NBPF14: variants seen among roughly 807,000 people sequenced by gnomAD.
NBPF14 encodes the protein NBPF member 14, also known as NBPF family member NBPF14.
In NBPF14, 104 loss-of-function variants were observed where a neutral mutation model predicts 91.2. That is an observed-to-expected ratio of 1.14 (90% CI 0.97 to 1.34). The LOEUF is 1.34. Among genes scored for constraint, NBPF14 ranks in the 40% most tolerant of loss-of-function variants. The probability of loss-of-function intolerance (pLI) is 0.00; values close to 1 mark genes in which losing one functional copy is unlikely to be tolerated. For synonymous variants in NBPF14, 294 were observed against 303.8 expected (o/e 0.97, Z 0.34); for missense variants, 908 against 783.0 (o/e 1.16, Z -1.91).
At chr1:148,587,317 G>T in exon 8 of NBPF14, 2 of 1,580,982 alleles carry the variant, frequency 1.3e-6, no homozygotes, top group Non-Finnish European at 1.7e-6. Context: ...TCCTCAGCTT[G>T]CTTCAGCTGC....
chr1:148,557,681 G>T (rs1442220106), intron 39 of NBPF14, 139 bp from the exon 40 acceptor site: 2 of 618,844 alleles, frequency 3.2e-6, no homozygotes, highest in South Asian at 1.7e-5. Flanking sequence ...ACTTCAGGAG[G>T]CCTGAAAGCT....
At chr1:148,556,995 T>A in intron 40 of NBPF14, 133 bp from the exon 41 acceptor site, 1 of 186,820 alleles carries the variant, frequency 5.4e-6, no homozygotes, top group Non-Finnish European at 8.0e-6. Context: ...AGGTAACACA[T>A]TATTGCCTTC....
At chr1:148,593,929 G>A (rs1286738870) in intron 2 of NBPF14, among the ~76,000 whole-genome samples, 8 of 149,928 alleles carry the variant, frequency 5.3e-5, no homozygotes, top group African/African-American at 1.9e-4. Context: ...CAAGGAAGTT[G>A]ACAAGATGAT....
intron 6 of NBPF14, among the ~76,000 whole-genome samples, chr1:148,589,852 C>G (rs1662158054): frequency 1.4e-5 from 2 of 148,002 alleles, no homozygotes; most frequent in Non-Finnish European, 1.5e-5. Context: ...CATCCCTCAG[C>G]CTGCCAAGCA....
intron 68 of NBPF14, among the ~76,000 whole-genome samples, chr1:148,535,203 C>A (rs1654877903): frequency 1.3e-5 from 2 of 149,876 alleles, no homozygotes; most frequent in East Asian, 2.0e-4. Context: ...TTTCCATAAA[C>A]TTGCTCAAGA....
chr1:148,587,044 GTTAA>G (rs1273278139), intron 8 of NBPF14, among the ~76,000 whole-genome samples: 1 of 147,140 alleles, frequency 6.8e-6, no homozygotes, highest in Admixed American at 6.8e-5. Context: ...CACTCCTTTG[GTTAA>G]TTTTGTGTTA....
chr1:148,587,246 T>C, intron 8 of NBPF14, 55 bp downstream of exon 8: 1 of 1,443,166 alleles, frequency 6.9e-7, no homozygotes, highest in Middle Eastern at 2.5e-4. Context: ...TGAGCTGCTG[T>C]ACTTCAGAGA....
rs1436371282 is a variant in NBPF14, at chr1:148,534,969, C to T, written c.8442-113G>A. 4.1e-6 allele frequency: 3 copies of T among 736,856 alleles called. No homozygotes were observed. In the East Asian group the frequency reaches 7.6e-5, roughly 19 times the overall value. 45.6% of individuals were successfully genotyped at this position (736,856 alleles called of 1,614,324 possible). On this transcript the variant is annotated intron_variant, in intron 68 of 70. Transcript: ENST00000619423. Reference sequence around the variant, plus strand: ...CAGTTTAAAAAGAAAAAGGACAGATCCATTAATGAGGTAACGAATTATTGC... The same window carrying T: ...CAGTTTAAAAAGAAAAAGGACAGATTCATTAATGAGGTAACGAATTATTGC...
intron 14 of NBPF14, among the ~76,000 whole-genome samples, chr1:148,577,595 G>T (rs1407284367): frequency 3.3e-5 from 5 of 149,914 alleles, no homozygotes; most frequent in Admixed American, 6.6e-5. Flanking sequence ...CACACAGAGC[G>T]AGGTCAGTCA....
rs1363508451 is a variant in NBPF14, at chr1:148,566,304, T to G, written c.3554A>C (p.Glu1185Ala). ...TTCAGGCTCTACTACCTCCAGCAGC[T>G]CCCTGCTGAGCCTGGAAAAGGAGGA... Residue 1185 changes from glutamate (E) to alanine (A), a missense_variant, in exon 29 of 71, where the codon GAG (glutamate) becomes GCG (alanine). Glu to Ala is a moderately radical substitution (Grantham distance 107). Around this residue, in one of 13 missense-constraint regions of NBPF14, gnomAD observed 447 missense variants for 189.1 expected, o/e 2.36. Coordinates refer to ENST00000619423, the Ensembl canonical transcript of NBPF14. 6 of 710,806 alleles carry G rather than the reference T, an allele frequency of 8.4e-6. 1 individual carries two copies. The highest frequency in any genetic ancestry group is 3.8e-4 in the Middle Eastern group (1 of 2,622). The allele number at this position is 710,806 out of a possible 1,614,324, so 44.0% of individuals were successfully genotyped here. A position where few individuals can be genotyped will look rare whatever the true frequency, so the allele number is the denominator to read the frequency against.
At position 148,559,696 on chromosome 1, in the gene NBPF14, G is replaced by A. The variant is rs1460995528; in HGVS notation, c.4729+97C>T. 2.4e-3 allele frequency: 1,668 copies of A among 702,050 alleles called. 22 individuals are homozygous for A. The highest frequency in any genetic ancestry group is 3.2e-3 in the Non-Finnish European group (1,325 of 413,536). The allele number at this position is 702,050 out of a possible 1,614,324, so 43.5% of individuals were successfully genotyped here. A position where few individuals can be genotyped will look rare whatever the true frequency, so the allele number is the denominator to read the frequency against. On this transcript the variant is annotated intron_variant, in intron 37 of 70. Coordinates refer to ENST00000619423, the Ensembl canonical transcript of NBPF14. ...GCCTATAGGTCCTCCCTGTGGCAAT[G>A]ACATCTCTCAGCTCAGTAAGGGCCA...
At chr1:148,581,850 A>C (rs1661020681) in intron 12 of NBPF14, among the ~76,000 whole-genome samples, 1 of 144,054 alleles carries the variant, frequency 6.9e-6, no homozygotes, top group Non-Finnish European at 1.5e-5. Context: ...AAATGGGCTA[A>C]ATGCCCCAGT....
In NBPF14 at chr1:148,566,569, C is replaced by G. The variant is rs1356659200; in HGVS notation, c.3543-254G>C. ...CACACACACACACACAGAGAACGAG[C>G]TCAGTGAATTGTCCAGGTGACACAC... On this transcript the variant is annotated intron_variant, in intron 28 of 70. Transcript: ENST00000619423. Among the ~76,000 whole-genome samples, 805 of 143,566 alleles carry G rather than the reference C, an allele frequency of 5.6e-3. 59 individuals carry two copies. The highest frequency in any genetic ancestry group is 0.051 in the Admixed American group (736 of 14,472). The allele number at this position is 143,566 out of a possible 152,430, so 94.2% of individuals were successfully genotyped here.
exon 69 of NBPF14, chr1:148,534,771 G>A: frequency 6.0e-6 from 5 of 837,450 alleles, no homozygotes; most frequent in Non-Finnish European, 1.0e-5. Context: ...GGCAGTTCAA[G>A]ATAACCTGAA....
chr1:148,592,670 C>A, exon 4 of NBPF14: 2 of 1,588,782 alleles, frequency 1.3e-6, no homozygotes, highest in Non-Finnish European at 1.7e-6. Flanking sequence ...CCTGGAGATG[C>A]TCATACAATG....
intron 13 of NBPF14, among the ~76,000 whole-genome samples, 154 bp downstream of exon 13, chr1:148,578,920 T>A (rs1660499117): frequency 6.8e-6 from 1 of 147,538 alleles, no homozygotes; most frequent in African/African-American, 2.5e-5. Flanking sequence ...TGCTTCAGAC[T>A]TGACTCCAGA....
intron 34 of NBPF14, 131 bp from the exon 35 acceptor site, chr1:148,561,710 A>C (rs1171138707): frequency 3.3e-4 from 126 of 387,644 alleles, no homozygotes; most frequent in Middle Eastern, 2.8e-3. Flanking sequence ...TGAGGTAACA[A>C]ATTATTGCCT....
intron 63 of NBPF14, 35 bp downstream of exon 63, chr1:148,539,375 G>A: frequency 2.1e-6 from 1 of 470,932 alleles, no homozygotes; most frequent in East Asian, 4.3e-5. Flanking sequence ...GGAAGACCAG[G>A]TGGAGGCTTA....
chr1:148,533,786 A>G, intron 70 of NBPF14, 75 bp downstream of exon 70: 1 of 764,564 alleles, frequency 1.3e-6, no homozygotes, highest in Non-Finnish European at 2.4e-6. Flanking sequence ...GACATCAAAC[A>G]CACTCTGGTT....
Sources: gnomAD v4.1 joint callset for allele counts (sites outside exome capture counted in the v4.1 genomes callset) on GRCh38, gnomAD v4.1.1 for gene constraint, gnomAD v4.1.1 regional missense constraint, MANE v1.5 for transcripts, NCBI Gene and HGNC (gene_info 2026-07-23, HGNC 2026-07-21) for gene names.